Variants in SLC24A4 observed in about 807,000 individuals in gnomAD.
SLC24A4 encodes sodium/potassium/calcium exchanger 4.
A neutral mutation model predicts 79.0 loss-of-function variants in SLC24A4; 53 were observed. That is an observed-to-expected ratio of 0.67 (90% CI 0.54 to 0.84). The LOEUF (loss-of-function observed/expected upper bound fraction) is 0.84. Ranked by LOEUF, SLC24A4 falls within the 40% of genes least tolerant of loss-of-function variation. The probability of loss-of-function intolerance (pLI) is 0.00; values close to 1 mark genes in which losing one functional copy is unlikely to be tolerated. For missense variants in SLC24A4, 731 were observed against 822.0 expected (o/e 0.89, Z 1.35); for synonymous variants, 323 against 323.8 (o/e 1.00, Z 0.03).
chr14:92,371,699 G>A (rs755627259), intron 2 of SLC24A4, among the ~76,000 whole-genome samples: 3 of 152,122 alleles, frequency 2.0e-5, no homozygotes, highest in Non-Finnish European at 2.9e-5. Flanking sequence ...AACCTCACCC[G>A]TTGTGTGTCC....
chr14:92,421,195 G>A (rs572146499), intron 2 of SLC24A4, among the ~76,000 whole-genome samples: 2 of 152,296 alleles, frequency 1.3e-5, no homozygotes, highest in East Asian at 3.9e-4. Context: ...AGCTCTTAAA[G>A]TTTTTCAGTG....
chr14:92,370,503 C>T (rs917397735), intron 2 of SLC24A4, among the ~76,000 whole-genome samples: 5 of 87,440 alleles, frequency 5.7e-5, no homozygotes, highest in Non-Finnish European at 1.4e-4. Flanking sequence ...TGCATTTATT[C>T]ACTCACTCAT....
intron 2 of SLC24A4, among the ~76,000 whole-genome samples, chr14:92,367,587 G>A (rs1887924310): frequency 6.6e-6 from 1 of 152,234 alleles, no homozygotes; most frequent in Admixed American, 6.5e-5. Context: ...GGAGGAGTTG[G>A]CCCTCCATAC....
chr14:92,337,862 C>A (rs1171919921), intron 2 of SLC24A4, among the ~76,000 whole-genome samples: 2 of 151,910 alleles, frequency 1.3e-5, no homozygotes, highest in African/African-American at 4.8e-5. Flanking sequence ...TTTTTTTTTG[C>A]AGCTGCAATT....
chr14:92,487,232 T>TA (rs1216532102), intron 14 of SLC24A4, among the ~76,000 whole-genome samples: 3 of 152,226 alleles, frequency 2.0e-5, no homozygotes, highest in Admixed American at 6.5e-5. Flanking sequence ...GTTTTGGGCT[T>TA]ACTACGTGGC....
intron 2 of SLC24A4, among the ~76,000 whole-genome samples, chr14:92,389,709 G>A (rs1889361388): frequency 1.3e-5 from 2 of 152,200 alleles, no homozygotes; most frequent in Admixed American, 1.3e-4. Context: ...CACATCCCCT[G>A]TGCTAAGCCA....
chr14:92,402,060 T>C (rs1479390464), intron 2 of SLC24A4, among the ~76,000 whole-genome samples: 1 of 152,196 alleles, frequency 6.6e-6, no homozygotes, highest in East Asian at 1.9e-4. Context: ...TAGTTTGCAC[T>C]TTCGAGCTTG....
intron 2 of SLC24A4, among the ~76,000 whole-genome samples, chr14:92,394,924 T>C (rs535950720): frequency 6.6e-6 from 1 of 152,242 alleles, no homozygotes; most frequent in African/African-American, 2.4e-5. Flanking sequence ...TTTCCCACCT[T>C]CCTCCAACCA....
intron 2 of SLC24A4, among the ~76,000 whole-genome samples, chr14:92,418,724 C>G (rs2141814169): frequency 6.6e-6 from 1 of 152,228 alleles, no homozygotes; most frequent in East Asian, 1.9e-4. Flanking sequence ...TGTTTTGAGA[C>G]AGAGTCTCAC....
chr14:92,496,973 G>T lies in SLC24A4; in HGVS notation c.*3345G>T, dbSNP rs1431253137. The T allele has an allele frequency of 1.3e-5, 2 of 152,150 alleles. No individual in the cohort carries two copies. The highest frequency in any genetic ancestry group is 2.1e-4 in the South Asian group (1 of 4,830). The allele number at this position is 152,150 out of a possible 1,614,324, so 9.4% of individuals were successfully genotyped here. A position where few individuals can be genotyped will look rare whatever the true frequency, so the allele number is the denominator to read the frequency against. ...GCGCCACCACACCCAGCTAATTTTT[G>T]TATTTTTAGTAGAGACGGGTTTTCA... On this transcript the variant is annotated 3_prime_UTR_variant, in exon 17 of 17. Transcript: ENST00000532405.
intron 14 of SLC24A4, among the ~76,000 whole-genome samples, chr14:92,489,962 G>A (rs573248662): frequency 7.9e-5 from 12 of 152,284 alleles, no homozygotes; most frequent in African/African-American, 2.4e-4. Context: ...TCCCAGAGAC[G>A]CCACTCCTAA....
chr14:92,422,901 C>T (rs960811825), intron 2 of SLC24A4, among the ~76,000 whole-genome samples: 1 of 152,136 alleles, frequency 6.6e-6, no homozygotes, highest in African/African-American at 2.4e-5. Flanking sequence ...GCAGCCTTGA[C>T]TTCCTGGGCT....
At chr14:92,324,711 T>G (rs868020723) in intron 1 of SLC24A4, among the ~76,000 whole-genome samples, 2 of 152,332 alleles carry the variant, frequency 1.3e-5, no homozygotes, top group Middle Eastern at 3.4e-3. Context: ...GACATTCACT[T>G]CCCTAATCGT....
At chr14:92,424,397 C>T (rs986357388) in intron 2 of SLC24A4, among the ~76,000 whole-genome samples, 1 of 152,012 alleles carries the variant, frequency 6.6e-6, no homozygotes, top group African/African-American at 2.4e-5. Flanking sequence ...AAAAAGGTTT[C>T]TTTAGCTAAT....
intron 2 of SLC24A4, among the ~76,000 whole-genome samples, chr14:92,368,299 G>A (rs1015076972): frequency 1.3e-5 from 2 of 152,212 alleles, no homozygotes; most frequent in Non-Finnish European, 2.9e-5. Flanking sequence ...TCCCAGGAAA[G>A]CTTCATGACC....
intron 2 of SLC24A4, among the ~76,000 whole-genome samples, chr14:92,339,860 A>G (rs1359081770): frequency 1.3e-5 from 2 of 152,258 alleles, no homozygotes; most frequent in African/African-American, 4.8e-5. Context: ...TTTTTAGGGC[A>G]AAAGAGAATG....
At chr14:92,329,169 C>G (rs1407498748) in intron 2 of SLC24A4, among the ~76,000 whole-genome samples, 1 of 152,214 alleles carries the variant, frequency 6.6e-6, no homozygotes, top group Non-Finnish European at 1.5e-5. Context: ...TGGATGAGGC[C>G]TTTCAGGGAC....
chr14:92,354,697 G>A (rs1401715683), intron 2 of SLC24A4, among the ~76,000 whole-genome samples: 2 of 152,138 alleles, frequency 1.3e-5, no homozygotes, highest in South Asian at 4.1e-4. Flanking sequence ...TGGGGCCTGA[G>A]ATTCTGCACT....
Position 92,381,351 on chromosome 14 carries a change from T to C in SLC24A4, c.242-52561T>C, listed in dbSNP as rs1595191764. On this transcript the variant is annotated intron_variant, in intron 2 of 16. Transcript: ENST00000532405. Reference sequence around the variant, plus strand: ...CGGAAACAGAAAACCAAACACTGCATGTTCTCACTCATAAGTGGGAGCTGA... The same window carrying C: ...CGGAAACAGAAAACCAAACACTGCACGTTCTCACTCATAAGTGGGAGCTGA... 2.4e-5 allele frequency among the ~76,000 whole-genome samples: 3 copies of C among 125,800 alleles called. 1 individual carries two copies. In the South Asian group the frequency reaches 1.2e-3, roughly 51 times the overall value. The allele number at this position is 125,800 out of a possible 152,430, so 82.5% of individuals were successfully genotyped here.
Sources: allele counts gnomAD v4.1 joint callset (sites outside exome capture counted in the v4.1 genomes callset), GRCh38; gene constraint gnomAD v4.1.1; transcripts MANE v1.5; gene names NCBI Gene and HGNC (gene_info 2026-07-23, HGNC 2026-07-21).